FMN2: variants seen among roughly 807,000 people sequenced by gnomAD.
The protein encoded by FMN2 is formin 2, also known as formin-2.
In FMN2, 51 loss-of-function variants were observed where a neutral mutation model predicts 142.3. The observed-to-expected ratio is 0.36, with a 90% CI of 0.29 to 0.45. The LOEUF (loss-of-function observed/expected upper bound fraction) is 0.45. Ranked by LOEUF, FMN2 falls within the 20% of genes least tolerant of loss-of-function variation. FMN2 has a pLI of 1.00. For synonymous variants in FMN2, 882 were observed against 869.8 expected, an observed-to-expected ratio of 1.01 and a Z score of -0.25; for missense variants, 1,936 against 2,122.8, an observed-to-expected ratio of 0.91 and a Z score of 1.73.
At chr1:240,452,497 G>C (rs956813518) in intron 16 of FMN2, among the ~76,000 whole-genome samples, 1 of 151,978 alleles carries the variant, frequency 6.6e-6, no homozygotes, top group Non-Finnish European at 1.5e-5. Flanking sequence ...AGAAATAAAA[G>C]TGTATTCCTA....
intron 4 of FMN2, among the ~76,000 whole-genome samples, chr1:240,194,591 T>C (rs1222326977): frequency 2.0e-5 from 3 of 152,194 alleles, no homozygotes; most frequent in Admixed American, 6.5e-5. Flanking sequence ...GTCTACTAAC[T>C]GGCAGTTATA....
rs562360472 is a variant in FMN2 at position 240,375,027 on chromosome 1, A to G, written c.4859-17484A>G. Among the ~76,000 whole-genome samples, 20 of 152,304 alleles carry G rather than the reference A, an allele frequency of 1.3e-4. 1 individual carries two copies. The East Asian group carries it at 3.3e-3, about 25-fold the overall frequency. On this transcript the variant is annotated intron_variant, in intron 14 of 17. Coordinates refer to ENST00000319653, the MANE Select transcript of FMN2 (RefSeq NM_020066.5). ...ACATTGTAGGGTTATTAATTGGCCT[A>G]ATTTCGACACTGTTGTGTCTCAGGG...
At chr1:240,135,802 T>C (rs1301809645) in intron 2 of FMN2, among the ~76,000 whole-genome samples, 2 of 151,618 alleles carry the variant, frequency 1.3e-5, no homozygotes, top group Admixed American at 6.6e-5. Context: ...GTCTCAGCCT[T>C]CCGAGTAGCT....
chr1:240,181,145 C>T (rs1005679835), intron 3 of FMN2, among the ~76,000 whole-genome samples: 5 of 152,052 alleles, frequency 3.3e-5, no homozygotes, highest in Non-Finnish European at 7.4e-5. Context: ...GATGGGATTA[C>T]AGGCACCCAC....
At chr1:240,355,371 T>A (rs1326605688) in intron 13 of FMN2, among the ~76,000 whole-genome samples, 1 of 152,194 alleles carries the variant, frequency 6.6e-6, no homozygotes, top group Non-Finnish European at 1.5e-5. Context: ...TTATTATAAG[T>A]CAGTTGATAC....
At chr1:240,151,361 C>T (rs1663764856) in intron 2 of FMN2, among the ~76,000 whole-genome samples, 1 of 152,078 alleles carries the variant, frequency 6.6e-6, no homozygotes, top group African/African-American at 2.4e-5. Context: ...CTGTGCTATC[C>T]GTGGTTGGTG....
At position 240,361,132 on chromosome 1, in the gene FMN2, AATATATGTGTATATATATAT is replaced by A. The variant is rs1215108105; in HGVS notation, c.4858+5231_4858+5250del. ...ACTTAAAGTATAATAATAATAAATAAATATATGTGTATATATATATATATATATATATATATATATATATA... is the reference window on the plus strand; with the variant it reads ...ACTTAAAGTATAATAATAATAAATAAATATATATATATATATATATATATA... On this transcript the variant is annotated intron_variant, in intron 14 of 17. Transcript: ENST00000319653. 2.1e-3 allele frequency among the ~76,000 whole-genome samples: 76 copies of A among 35,728 alleles called. 1 individual carries two copies. Among genetic ancestry groups the A allele is most frequent in the African/African-American group, 3.9e-3 (73 of 18,726 alleles). The allele number at this position is 35,728 out of a possible 152,430, so 23.4% of individuals were successfully genotyped here.
intron 6 of FMN2, among the ~76,000 whole-genome samples, chr1:240,256,371 A>G (rs1668449666): frequency 6.6e-6 from 1 of 152,122 alleles, no homozygotes; most frequent in African/African-American, 2.4e-5. Context: ...ATCAAAATGT[A>G]TATGTTGCTT....
At position 240,159,913 on chromosome 1, in the gene FMN2, A is replaced by ATATATATATATCTGTG. The variant is rs1553334585; in HGVS notation, c.1783-17997_1783-17996insCTGTGTATATATATAT. On this transcript the variant is annotated intron_variant, in intron 2 of 17. Coordinates refer to ENST00000319653, the MANE Select transcript of FMN2 (RefSeq NM_020066.5). Reference sequence around the variant, plus strand: ...TATATATATATATCTGTGTATATATATATATATATATATATATATTTGTGT... The same window carrying ATATATATATATCTGTG: ...TATATATATATATCTGTGTATATATATATATATATATCTGTGTATATATATATATATATATTTGTGT... 5.1e-3 allele frequency among the ~76,000 whole-genome samples: 501 copies of ATATATATATATCTGTG among 97,796 alleles called. 6 individuals are homozygous for ATATATATATATCTGTG. The East Asian group carries it at 0.067, about 13-fold the overall frequency. The allele number at this position is 97,796 out of a possible 152,430, so 64.2% of individuals were successfully genotyped here. A position where few individuals can be genotyped will look rare whatever the true frequency, so the allele number is the denominator to read the frequency against.
intron 14 of FMN2, among the ~76,000 whole-genome samples, chr1:240,389,091 G>T (rs557763065): frequency 1.5e-4 from 23 of 152,242 alleles, no homozygotes; most frequent in African/African-American, 5.5e-4. Flanking sequence ...ACTCTAAAGA[G>T]TTGGGAAGTT....
At chr1:240,156,626 G>T (rs1484825556) in intron 2 of FMN2, among the ~76,000 whole-genome samples, 3 of 152,150 alleles carry the variant, frequency 2.0e-5, no homozygotes, top group Non-Finnish European at 4.4e-5. Context: ...GTTAGAGCAG[G>T]CTAAGGTGGT....
intron 14 of FMN2, among the ~76,000 whole-genome samples, chr1:240,376,001 T>A (rs969213553): frequency 2.6e-5 from 4 of 152,148 alleles, no homozygotes; most frequent in African/African-American, 9.6e-5. Flanking sequence ...TCATAATACT[T>A]TTTTGGAGGC....
chr1:240,266,299 G>A (rs1448045521), intron 7 of FMN2, among the ~76,000 whole-genome samples: 1 of 151,780 alleles, frequency 6.6e-6, no homozygotes. Flanking sequence ...TTTTTGGGGG[G>A]GTCCAGTTTC....
chr1:240,247,078 C>T (rs1438878818), intron 6 of FMN2, among the ~76,000 whole-genome samples: 1 of 152,174 alleles, frequency 6.6e-6, no homozygotes, highest in East Asian at 1.9e-4. Context: ...CTGTGGAATC[C>T]ATCCTTTTAG....
Position 240,207,210 on chromosome 1 carries a change from A to C in FMN2, c.2398A>C (p.Ser800Arg), listed in dbSNP as rs1224372124. The C allele has an allele frequency of 6.2e-7, 1 of 1,613,896 alleles. No homozygotes were observed. The highest frequency in any genetic ancestry group is 8.5e-7 in the Non-Finnish European group (1 of 1,179,940). ...SPRRISVQLD[S>R]HQPTQSISQP... is the part of the protein sequence containing the mutation. Reference sequence around the variant, plus strand: ...AAGGCGAATATCAGTCCAGCTCGACAGCCATCAGCCCACACAGAGCATCTC... The same window carrying C: ...AAGGCGAATATCAGTCCAGCTCGACCGCCATCAGCCCACACAGAGCATCTC... The change falls in exon 5 of 18, where the codon AGC becomes CGC. Residue 800 changes from serine to arginine, a missense_variant. Transcript: ENST00000319653.
chr1:240,434,724 G>A (rs1675303259), intron 15 of FMN2, among the ~76,000 whole-genome samples: 1 of 98,686 alleles, frequency 1.0e-5, no homozygotes, highest in Non-Finnish European at 2.1e-5. Flanking sequence ...ACCACACCCT[G>A]CTAATTTTTT....
chr1:240,314,638 C>T (rs1019816735), intron 8 of FMN2, among the ~76,000 whole-genome samples: 2 of 152,156 alleles, frequency 1.3e-5, no homozygotes, highest in Admixed American at 6.5e-5. Context: ...TAGCTTTGAT[C>T]CTTGCCGCTA....
At chr1:240,147,246 T>G (rs1663526534) in intron 2 of FMN2, among the ~76,000 whole-genome samples, 1 of 152,176 alleles carries the variant, frequency 6.6e-6, no homozygotes, top group South Asian at 2.1e-4. Context: ...AGACTTAGGG[T>G]AATTTGCCCA....
intron 6 of FMN2, among the ~76,000 whole-genome samples, chr1:240,229,461 G>A (rs1186702995): frequency 6.6e-6 from 1 of 152,054 alleles, no homozygotes; most frequent in African/African-American, 2.4e-5. Context: ...AGATCAAAAA[G>A]TATTGATTTA....
Sources: allele counts gnomAD v4.1 joint callset (sites outside exome capture counted in the v4.1 genomes callset), GRCh38; gene constraint gnomAD v4.1.1; transcripts MANE v1.5; gene names NCBI Gene and HGNC (gene_info 2026-07-23, HGNC 2026-07-21).